The following CSMD1 variants were observed in gnomAD, a reference collection of about 807,000 sequenced individuals.
CSMD1 encodes CUB and Sushi multiple domains 1, also known as CUB and sushi domain-containing protein 1.
In CSMD1, 213 loss-of-function variants were observed where a neutral mutation model predicts 417.5. The ratio of observed to expected loss-of-function variants is 0.51; its 90% CI spans 0.46 to 0.57. The LOEUF (loss-of-function observed/expected upper bound fraction) is 0.57, where lower values mean the gene tolerates loss of function less well. Among genes scored for constraint, CSMD1 ranks in the 20% least tolerant of loss-of-function variants. The probability of loss-of-function intolerance (pLI) is 0.00; values close to 1 mark genes in which losing one functional copy is unlikely to be tolerated. For missense variants in CSMD1, 6,923 were observed against 4,529.7 expected (o/e 1.53, Z -15.17); for synonymous variants, 2,862 against 1,736.8 (o/e 1.65, Z -16.11).
At position 4,027,367 on chromosome 8, in the gene CSMD1, C is replaced by A. The variant is rs117628685; in HGVS notation, c.610+4538G>T. Among the ~76,000 whole-genome samples, 5 of 152,234 alleles carry A rather than the reference C, an allele frequency of 3.3e-5. No individual in the cohort carries two copies. The East Asian group carries it at 5.8e-4, about 18-fold the overall frequency. The stretch of plus-strand genomic sequence containing the variant: ...CCGAAAATTTCACCTTGAATTGTAA[C>A]CTAAATTCTAATCCCCTAATCCCCA... On this transcript the variant is annotated intron_variant, in intron 4 of 69. Transcript: ENST00000635120.
chr8:3,454,523 C>G (rs867254188), intron 12 of CSMD1, among the ~76,000 whole-genome samples: 2 of 152,290 alleles, frequency 1.3e-5, no homozygotes, highest in South Asian at 4.1e-4. Context: ...GACAGAATCT[C>G]TCAGCATTTG....
intron 3 of CSMD1, among the ~76,000 whole-genome samples, chr8:4,156,643 T>C (rs1796849743): frequency 1.3e-5 from 2 of 152,150 alleles, no homozygotes; most frequent in Non-Finnish European, 2.9e-5. Context: ...TATTTGGTGA[T>C]ACCAGGTACC....
At chr8:4,478,673 T>G (rs931531902) in intron 2 of CSMD1, among the ~76,000 whole-genome samples, 10 of 152,230 alleles carry the variant, frequency 6.6e-5, no homozygotes, top group Non-Finnish European at 1.3e-4. Flanking sequence ...TAATTTTATA[T>G]GGCCATGGTG....
intron 1 of CSMD1, among the ~76,000 whole-genome samples, chr8:4,916,013 G>C (rs148569970): frequency 2.2e-4 from 33 of 152,260 alleles, no homozygotes; most frequent in Non-Finnish European, 4.3e-4. Flanking sequence ...AGCTACACCT[G>C]TTGCCCCTCG....
chr8:3,953,564 G>A (rs946717329), intron 5 of CSMD1, among the ~76,000 whole-genome samples: 1 of 152,034 alleles, frequency 6.6e-6, no homozygotes, highest in African/African-American at 2.4e-5. Context: ...GACTTCCCTG[G>A]GATAGATAAT....
chr8:4,097,494 T>A (rs1272836936), intron 3 of CSMD1, among the ~76,000 whole-genome samples: 1 of 152,208 alleles, frequency 6.6e-6, no homozygotes, highest in African/African-American at 2.4e-5. Flanking sequence ...AAGATTTAGA[T>A]TCCCTTTGAA....
chr8:4,793,142 T>A (rs1318622334), intron 1 of CSMD1, among the ~76,000 whole-genome samples: 3 of 152,162 alleles, frequency 2.0e-5, no homozygotes, highest in Non-Finnish European at 4.4e-5. Flanking sequence ...GGTCAGCAGG[T>A]ACCAAATTCT....
At chr8:4,017,729 G>C (rs970687651) in intron 4 of CSMD1, among the ~76,000 whole-genome samples, 1 of 152,074 alleles carries the variant, frequency 6.6e-6, no homozygotes, top group Non-Finnish European at 1.5e-5. Context: ...CCTCGGCATT[G>C]TGTGTGCATG....
At chr8:4,476,491 G>A (rs1179307391) in intron 2 of CSMD1, among the ~76,000 whole-genome samples, 1 of 152,172 alleles carries the variant, frequency 6.6e-6, no homozygotes, top group East Asian at 1.9e-4. Context: ...AATTAATACT[G>A]AAATTGAACA....
intron 50 of CSMD1, among the ~76,000 whole-genome samples, chr8:3,050,994 T>C (rs974880372): frequency 9.9e-5 from 15 of 152,224 alleles, no homozygotes; most frequent in Non-Finnish European, 2.1e-4. Context: ...TGCATGCTGC[T>C]GGTGGGAGTG....
At chr8:4,782,133 G>C (rs1330087506) in intron 1 of CSMD1, among the ~76,000 whole-genome samples, 1 of 152,176 alleles carries the variant, frequency 6.6e-6, no homozygotes, top group Non-Finnish European at 1.5e-5. Context: ...AGGAAGGGGA[G>C]AGAGGTTGCT....
intron 2 of CSMD1, among the ~76,000 whole-genome samples, chr8:4,439,807 A>G (rs1561341): frequency 0.098 from 14,890 of 152,252 alleles, 999 homozygotes; most frequent in Admixed American, 0.2. Flanking sequence ...AGAGATGTAA[A>G]TTCAGGGGTG....
chr8:4,261,870 G>C (rs1803911787), intron 3 of CSMD1, among the ~76,000 whole-genome samples: 1 of 152,006 alleles, frequency 6.6e-6, no homozygotes, highest in East Asian at 1.9e-4. Flanking sequence ...AATGAAACTA[G>C]ACAAAATGTG....
chr8:3,439,516 T>TGC (rs1455881637), intron 12 of CSMD1, among the ~76,000 whole-genome samples: 6 of 150,522 alleles, frequency 4.0e-5, no homozygotes, highest in African/African-American at 1.5e-4. Context: ...TCTGTGTGTG[T>TGC]GTGTGTAATT....
At chr8:4,107,107 A>T (rs1158450115) in intron 3 of CSMD1, among the ~76,000 whole-genome samples, 2 of 152,148 alleles carry the variant, frequency 1.3e-5, no homozygotes, top group African/African-American at 2.4e-5. Context: ...TGACGACAGA[A>T]ATGAGGACTA....
At chr8:4,409,368 G>A (rs778854244) in intron 3 of CSMD1, among the ~76,000 whole-genome samples, 1 of 151,980 alleles carries the variant, frequency 6.6e-6, no homozygotes, top group Non-Finnish European at 1.5e-5. Flanking sequence ...AATTGCCTCA[G>A]ACTAACAAAA....
At chr8:4,584,749 G>A (rs2725027) in intron 2 of CSMD1, among the ~76,000 whole-genome samples, 6 of 151,862 alleles carry the variant, frequency 4.0e-5, no homozygotes, top group South Asian at 2.1e-4. Context: ...TCCTAATGCC[G>A]GCCAGACAAA....
chr8:4,836,754 A>C (rs1441075766), intron 1 of CSMD1, among the ~76,000 whole-genome samples: 1 of 152,018 alleles, frequency 6.6e-6, no homozygotes, highest in Non-Finnish European at 1.5e-5. Flanking sequence ...ATCAAAGTAC[A>C]TGTCTCCACA....
At chr8:4,649,889 G>A (rs548056976) in intron 1 of CSMD1, among the ~76,000 whole-genome samples, 104 of 152,262 alleles carry the variant, frequency 6.8e-4, no homozygotes, top group Admixed American at 2.9e-3. Flanking sequence ...AATATTTGCA[G>A]GTGTATGACT....
Sources: allele counts gnomAD v4.1 joint callset (sites outside exome capture counted in the v4.1 genomes callset), GRCh38; gene constraint gnomAD v4.1.1; transcripts MANE v1.5; gene names NCBI Gene and HGNC (gene_info 2026-07-23, HGNC 2026-07-21).